The following OTOG variants were observed in gnomAD, a reference collection of about 807,000 sequenced individuals.
The protein encoded by OTOG is otogelin.
A neutral mutation model predicts 313.8 loss-of-function variants in OTOG; 296 were observed. That is an observed-to-expected ratio of 0.94 (90% CI 0.86 to 1.04). The LOEUF (loss-of-function observed/expected upper bound fraction) is 1.04. OTOG is among the 50% of genes least tolerant of loss of function. The pLI, the probability that OTOG is intolerant of heterozygous loss-of-function variation, is 0.00. For missense variants in OTOG, 3,948 were observed against 3,840.1 expected (o/e 1.03, Z -0.74); for synonymous variants, 1,533 against 1,554.9 (o/e 0.99, Z 0.33).
At chr11:17,595,382 C>T (rs1035967833) in intron 28 of OTOG, among the ~76,000 whole-genome samples, 2 of 152,080 alleles carry the variant, frequency 1.3e-5, no homozygotes, top group African/African-American at 2.4e-5. Context: ...ACATCGGAAA[C>T]ATCTGTATTA....
intron 38 of OTOG, among the ~76,000 whole-genome samples, chr11:17,613,195 T>TTTTC (rs1191747829): frequency 0.098 from 6,318 of 64,208 alleles, 461 homozygotes; most frequent in Admixed American, 0.12. Flanking sequence ...TCTTTCTTTC[T>TTTTC]TTTCTTTCTT....
intron 18 of OTOG, among the ~76,000 whole-genome samples, chr11:17,572,622 G>C (rs1391471835): frequency 1.3e-5 from 2 of 152,180 alleles, no homozygotes; most frequent in African/African-American, 2.4e-5. Flanking sequence ...GCAGTTGCCT[G>C]GAATGCTGTT....
chr11:17,594,078 A>G lies in OTOG; in HGVS notation c.3320A>G (p.Asp1107Gly). The change falls in exon 28 of 56, where the codon GAC becomes GGC. Residue 1107 changes from aspartate to glycine, a missense_variant. Coordinates refer to ENST00000399397, the MANE Select transcript of OTOG (RefSeq NM_001292063.2). ...GQLAGLCGNF[D>G]LKTINEMRTP... ...CTGGCGGGCCTCTGTGGGAACTTTG[A>G]CTTAAAAACCATCAATGAGATGAGG... 1 of 1,550,398 alleles carries G rather than the reference A, an allele frequency of 6.4e-7. No homozygotes were observed. Among genetic ancestry groups the G allele is most frequent in the Non-Finnish European group, 8.7e-7 (1 of 1,146,978 alleles).
intron 31 of OTOG, among the ~76,000 whole-genome samples, chr11:17,600,435 A>G (rs749795725): frequency 1.3e-5 from 2 of 152,146 alleles, no homozygotes; most frequent in Non-Finnish European, 2.9e-5. Flanking sequence ...ACCCTCCTCC[A>G]GGGACTGTGC....
intron 23 of OTOG, 142 bp from the exon 24 acceptor site, chr11:17,586,332 T>C: frequency 2.5e-6 from 1 of 400,538 alleles, no homozygotes; most frequent in Non-Finnish European, 4.4e-6. Flanking sequence ...AGCAGCAGGA[T>C]GGGGAGTGAA....
chr11:17,642,586 C>T (rs760724778), intron 53 of OTOG, among the ~76,000 whole-genome samples: 2 of 152,174 alleles, frequency 1.3e-5, no homozygotes, highest in Admixed American at 6.5e-5. Flanking sequence ...GCACACACCA[C>T]GCGTCATCAC....
chr11:17,574,379 T>G (rs1017087949), intron 19 of OTOG, among the ~76,000 whole-genome samples: 1 of 151,610 alleles, frequency 6.6e-6, no homozygotes, highest in Non-Finnish European at 1.5e-5. Flanking sequence ...AGTTACGGGG[T>G]GGGTGCAGGG....
rs1379334562 is a variant in OTOG, at chr11:17,574,871, G to A, written c.2445G>A (p.Pro815=). 7.1e-6 allele frequency: 11 copies of A among 1,541,424 alleles called. No homozygotes were observed. The highest frequency in any genetic ancestry group is 8.8e-6 in the Non-Finnish European group (10 of 1,142,008). ...DECVEGCACP[P]DTYLDTQADL... ...GTGTGGAGGGCTGTGCCTGCCCACC[G>A]GACACCTATCTGGACACCCAGGCTG... Residue 815 remains proline (P), a synonymous_variant, in exon 20 of 56, where the codon CCG becomes CCA. Transcript: ENST00000399397.
intron 15 of OTOG, among the ~76,000 whole-genome samples, chr11:17,562,446 A>C (rs960344041): frequency 2.6e-5 from 4 of 152,258 alleles, no homozygotes; most frequent in Non-Finnish European, 4.4e-5. Flanking sequence ...CAAATAAAAA[A>C]GAATGAATGT....
intron 18 of OTOG, among the ~76,000 whole-genome samples, chr11:17,572,841 C>T (rs1311708475): frequency 6.6e-6 from 1 of 152,208 alleles, no homozygotes; most frequent in Non-Finnish European, 1.5e-5. Context: ...TAGTGACTGT[C>T]TCCTTTGACC....
intron 47 of OTOG, among the ~76,000 whole-genome samples, chr11:17,636,062 C>T (rs988184675): frequency 3.9e-5 from 6 of 152,348 alleles, no homozygotes; most frequent in East Asian, 3.9e-4. Flanking sequence ...GGGTCCCTTT[C>T]GCCACTGTGT....
Position 17,561,094 on chromosome 11 carries a change from A to G in OTOG, c.1455A>G (p.Thr485=), listed in dbSNP as rs1554968896. ...CTCCTTGGTCTCTGTGTTTTAGCAC[A>G]TGCACCTCAGGCAAGTGGGAGTGCA... ...SVVKEDCNTC[T]CTSGKWECST... is the part of the protein sequence containing the mutation. Residue 485 remains threonine (T), a synonymous_variant, in exon 14 of 56, where the codon ACA becomes ACG. Coordinates refer to ENST00000399397, the MANE Select transcript of OTOG (RefSeq NM_001292063.2). 1 of 1,550,590 alleles carries G rather than the reference A, an allele frequency of 6.4e-7. No individual in the cohort carries two copies.
In OTOG at chr11:17,641,859, G is replaced by C. The variant is rs1219586395; in HGVS notation, c.8203G>C (p.Glu2735Gln). 1 of 1,549,906 alleles carries C rather than the reference G, an allele frequency of 6.5e-7. No individual in the cohort carries two copies. The highest frequency in any genetic ancestry group is 8.7e-7 in the Non-Finnish European group (1 of 1,146,662). Residue 2735 changes from glutamate (E) to glutamine (Q), a missense_variant, in exon 52 of 56, where the codon GAG becomes CAG. By Grantham distance (29) the Glu-to-Gln change is conservative (BLOSUM62 2). Coordinates refer to ENST00000399397, the MANE Select transcript of OTOG (RefSeq NM_001292063.2). The part of the protein sequence containing the change: ...DIHCEANQEY[E>Q]HPRDLAACCG... ...CCCTGGCCTGTAGAACCAGGAGTACGAGCACCCGCGGGACCTCGCTGCCTG... is the reference window on the plus strand; with the variant it reads ...CCCTGGCCTGTAGAACCAGGAGTACCAGCACCCGCGGGACCTCGCTGCCTG...
At position 17,612,614 on chromosome 11, in the gene OTOG, C is replaced by T; in HGVS notation, c.6293-6C>T. On this transcript the variant is annotated splice_region_variant and splice_polypyrimidine_tract_variant and intron_variant, in intron 37 of 55. Transcript: ENST00000399397. ...CTATTCTTCTTGTGCCCTGCCCCTC[C>T]CCCAGGCCGGTGCTCAATCTTCCCT... 3.9e-6 allele frequency: 6 copies of T among 1,549,464 alleles called. No individual in the cohort carries two copies. Among genetic ancestry groups the T allele is most frequent in the Non-Finnish European group, 5.2e-6 (6 of 1,146,326 alleles).
At chr11:17,592,813 G>T (rs1374034351) in intron 25 of OTOG, among the ~76,000 whole-genome samples, 1 of 152,132 alleles carries the variant, frequency 6.6e-6, no homozygotes, top group Non-Finnish European at 1.5e-5. Context: ...AAGTAGAATT[G>T]CTGTATAAAA....
chr11:17,599,587 C>A, intron 30 of OTOG, 84 bp from the exon 31 acceptor site: 1 of 1,461,248 alleles, frequency 6.8e-7, no homozygotes, highest in Non-Finnish European at 9.4e-7. Flanking sequence ...AGAAGGGAGG[C>A]TGGGATGCTG....
Position 17,634,209 on chromosome 11 carries a change from A to T in OTOG, c.7408A>T (p.Ser2470Cys), listed in dbSNP as rs1854203425. 2 of 1,550,294 alleles carry T rather than the reference A, an allele frequency of 1.3e-6. No individual in the cohort carries two copies. The highest frequency in any genetic ancestry group is 2.7e-5 in the African/African-American group (2 of 73,016). ...GGGCTGCCCCAGTCCCCGCCCTGAG[A>T]GCTGCCTGCGATTCGGGGAGGTGGC... ...DLGCPSPRPE[S>C]CLRFGEVALL... Residue 2470 changes from serine (S) to cysteine (C), a missense_variant, in exon 44 of 56, where the codon AGC becomes TGC. Coordinates refer to ENST00000399397, the MANE Select transcript of OTOG (RefSeq NM_001292063.2).
In OTOG at chr11:17,609,161, C is replaced by T. The variant is rs1034879710; in HGVS notation, c.4306C>T (p.Pro1436Ser). ...VEGCVPVCPTPQVLDEVTQRC... is the reference protein window; with the variant it reads ...VEGCVPVCPTSQVLDEVTQRC... The stretch of plus-strand genomic sequence containing the variant: ...AGGCTGTGTCCCTGTGTGCCCCACC[C>T]CCCAGGTCCTGGATGAAGTCACACA... The change falls in exon 35 of 56, where the codon CCC becomes TCC. Residue 1436 changes from proline to serine, a missense_variant. Transcript: ENST00000399397. 6 of 1,550,448 alleles carry T rather than the reference C, an allele frequency of 3.9e-6. No homozygotes were observed. The highest frequency in any genetic ancestry group is 2.7e-5 in the African/African-American group (2 of 73,026).
intron 24 of OTOG, among the ~76,000 whole-genome samples, chr11:17,587,302 A>T (rs1055782388): frequency 2.6e-5 from 4 of 152,220 alleles, no homozygotes; most frequent in African/African-American, 9.6e-5. Context: ...GTTCTGGGCC[A>T]CACAGAGGTG....
Sources: gnomAD v4.1 joint callset for allele counts (sites outside exome capture counted in the v4.1 genomes callset) on GRCh38, gnomAD v4.1.1 for gene constraint, MANE v1.5 for transcripts, NCBI Gene and HGNC (gene_info 2026-07-23, HGNC 2026-07-21) for gene names.